Variants in WT1 observed in about 807,000 individuals in gnomAD.
WT1 encodes Wilms tumor protein.
A neutral mutation model predicts 60.8 loss-of-function variants in WT1; 8 were observed. That is an observed-to-expected ratio of 0.13 (90% CI 0.08 to 0.24). WT1 has a LOEUF of 0.24. Ranked by LOEUF, WT1 falls within the 10% of genes least tolerant of loss-of-function variation. The pLI is 1.00. For missense variants in WT1, 568 were observed against 711.8 expected, an observed-to-expected ratio of 0.80 and a Z score of 2.30; for synonymous variants, 312 against 297.1, an observed-to-expected ratio of 1.05 and a Z score of -0.52.
chr11:32,408,514 T>TAAAAAAAAAAAAAAAAAAAAAAAA (rs58685266), intron 5 of WT1, among the ~76,000 whole-genome samples: 20 of 74,226 alleles, frequency 2.7e-4, no homozygotes, highest in Admixed American at 4.9e-4. Flanking sequence ...GACTACGTCT[T>TAAAAAAAAAAAAAAAAAAAAAAAA]AAAAAAAAAA....
chr11:32,407,244 CA>C (rs1394996010), intron 5 of WT1, among the ~76,000 whole-genome samples: 1 of 137,800 alleles, frequency 7.3e-6, no homozygotes, highest in Non-Finnish European at 1.7e-5. Context: ...TCAGGAAAAA[CA>C]AAAAAACAAA....
Position 32,407,170 on chromosome 11 carries a change from G to A in WT1, c.1017-7126C>T, listed in dbSNP as rs77535187. 3.3e-3 allele frequency among the ~76,000 whole-genome samples: 507 copies of A among 152,116 alleles called. 3 individuals carry two copies. Among genetic ancestry groups the A allele is most frequent in the African/African-American group, 0.012 (485 of 41,510 alleles). ...AGAAAGTTTGCAAAAAGAGAAAAAT[G>A]TCCCTCATATAACACAAATTGTGAG... On this transcript the variant is annotated intron_variant, in intron 5 of 9. Transcript: ENST00000452863.
At chr11:32,405,828 G>T (rs1051974977) in intron 5 of WT1, among the ~76,000 whole-genome samples, 1 of 152,130 alleles carries the variant, frequency 6.6e-6, no homozygotes, top group African/African-American at 2.4e-5. Context: ...TGCGTTATTT[G>T]CCCACAGTCA....
intron 7 of WT1, among the ~76,000 whole-genome samples, chr11:32,393,323 T>C (rs1851872002): frequency 6.6e-6 from 1 of 152,220 alleles, no homozygotes; most frequent in South Asian, 2.1e-4. Context: ...CCAAAAGCAC[T>C]GAGAAAGTTT....
intron 1 of WT1, among the ~76,000 whole-genome samples, chr11:32,429,632 C>T (rs977084138): frequency 2.0e-5 from 3 of 152,144 alleles, no homozygotes; most frequent in Admixed American, 1.3e-4. Flanking sequence ...TCATTGGCCC[C>T]GGAACCCAAG....
In WT1 at chr11:32,434,795, G is replaced by A. The variant is rs745879965; in HGVS notation, c.566C>T (p.Pro189Leu). The change falls in exon 1 of 10, where the codon CCG becomes CTG. Residue 189 changes from proline (P) to leucine (L), a missense_variant. Physicochemically the swap from Pro to Leu is moderately conservative, Grantham distance 98. This residue lies in a region of WT1 where 523 missense variants were observed against 565.1 expected (regional missense o/e 0.93). Coordinates refer to ENST00000452863, the MANE Select transcript of WT1 (RefSeq NM_024426.6). The stretch of plus-strand genomic sequence containing the variant: ...CTGGCCGGATGACGCCTGGCTGGGC[G>A]GAGGAGGACCGAAGGGCCCGTAGCG... 1.2e-6 allele frequency: 2 copies of A among 1,612,434 alleles called. No homozygotes were observed. Among genetic ancestry groups the A allele is most frequent in the Admixed American group, 3.3e-5 (2 of 59,930 alleles).
intron 5 of WT1, chr11:32,400,313 G>A (rs903596051): frequency 5.7e-6 from 3 of 527,548 alleles, no homozygotes; most frequent in East Asian, 6.8e-5. Context: ...CAGACAAGCC[G>A]AGGAAGACCA....
In WT1 at chr11:32,434,980, G is replaced by T. The variant is rs771681406; in HGVS notation, c.381C>A (p.Pro127=). Residue 127 remains proline (P), a synonymous_variant, in exon 1 of 10, where the codon CCC becomes CCA. Coordinates refer to ENST00000452863, the MANE Select transcript of WT1 (RefSeq NM_024426.6). Reference sequence around the variant, plus strand: ...GTGGCGGCGGAGCCGGTGGCGGCGCGGGGCCGCCCAACGACCCGTAAGCCG... The same window carrying T: ...GTGGCGGCGGAGCCGGTGGCGGCGCTGGGCCGCCCAACGACCCGTAAGCCG... 6.6e-6 allele frequency: 10 copies of T among 1,518,538 alleles called. No individual in the cohort carries two copies. The highest frequency in any genetic ancestry group is 8.8e-6 in the Non-Finnish European group (10 of 1,140,470). The allele number at this position is 1,518,538 out of a possible 1,614,324, so 94.1% of individuals were successfully genotyped here. A position where few individuals can be genotyped will look rare whatever the true frequency, so the allele number is the denominator to read the frequency against.
chr11:32,422,293 C>A (rs886785694), intron 3 of WT1, among the ~76,000 whole-genome samples: 1 of 152,216 alleles, frequency 6.6e-6, no homozygotes, highest in African/African-American at 2.4e-5. Context: ...TATTAATAAA[C>A]ACTTGGTCAG....
At chr11:32,419,855 G>A (rs570030160) in intron 3 of WT1, among the ~76,000 whole-genome samples, 1 of 152,238 alleles carries the variant, frequency 6.6e-6, no homozygotes, top group East Asian at 1.9e-4. Flanking sequence ...CACCATGCCC[G>A]GCTAATTTTT....
chr11:32,398,729 AGT>A (rs954919351), intron 6 of WT1, among the ~76,000 whole-genome samples: 1 of 151,996 alleles, frequency 6.6e-6, no homozygotes, highest in African/African-American at 2.4e-5. Flanking sequence ...CCACCTCATA[AGT>A]GTGTATTGCA....
intron 3 of WT1, among the ~76,000 whole-genome samples, chr11:32,424,945 A>G (rs1475060093): frequency 6.6e-6 from 1 of 152,200 alleles, no homozygotes; most frequent in Non-Finnish European, 1.5e-5. Flanking sequence ...TTCGAGGCCA[A>G]GGTGGGCAGA....
intron 3 of WT1, among the ~76,000 whole-genome samples, chr11:32,427,246 T>G (rs1226463280): frequency 3.3e-5 from 5 of 151,984 alleles, no homozygotes. Context: ...TCACCCAAAG[T>G]TGAAGAAAAA....
chr11:32,392,207 C>G (rs963592872), intron 8 of WT1, 143 bp from the exon 9 acceptor site: 37 of 767,964 alleles, frequency 4.8e-5, no homozygotes, highest in South Asian at 9.8e-5. Flanking sequence ...TTAGATTTCC[C>G]CAGTCCCCCA....
In WT1 at chr11:32,399,873, T is replaced by C. The variant is rs2234591; in HGVS notation, c.1113+75A>G. The C allele has an allele frequency of 1.8e-3, 2,656 of 1,508,790 alleles. 3 individuals carry two copies. Among genetic ancestry groups the C allele is most frequent in the Non-Finnish European group, 2.1e-3 (2,334 of 1,094,488 alleles). The allele number at this position is 1,508,790 out of a possible 1,614,324, so 93.5% of individuals were successfully genotyped here. ...CTGCCAGGGCCAAAGAGTCCATCAG[T>C]AAGGAACTAAAGGGCCGGTAAGTAG... On this transcript the variant is annotated intron_variant, in intron 6 of 9. Transcript: ENST00000452863.
chr11:32,432,375 A>G (rs1484290495), intron 1 of WT1, among the ~76,000 whole-genome samples: 2 of 152,172 alleles, frequency 1.3e-5, no homozygotes, highest in South Asian at 2.1e-4. Flanking sequence ...AGCAGCAGGA[A>G]CCCTGGAAAT....
intron 1 of WT1, chr11:32,430,584 C>T: frequency 6.2e-7 from 1 of 1,605,746 alleles, no homozygotes; most frequent in African/African-American, 1.3e-5. Flanking sequence ...CTGCACAATC[C>T]TCAGAGCCCT....
chr11:32,416,480 G>T lies in WT1; in HGVS notation c.1016+10C>A. ...CCATTTGCTTTGCCATCTCCGCATTGTCCACTCACTTGCTCTGCCCTTCTG... is the reference window on the plus strand; with the variant it reads ...CCATTTGCTTTGCCATCTCCGCATTTTCCACTCACTTGCTCTGCCCTTCTG... On this transcript the variant is annotated intron_variant, in intron 5 of 9. Transcript: ENST00000452863. The T allele has an allele frequency of 6.2e-7, 1 of 1,614,064 alleles. No individual in the cohort carries two copies. The highest frequency in any genetic ancestry group is 8.5e-7 in the Non-Finnish European group (1 of 1,179,980).
At chr11:32,392,570 G>T in intron 8 of WT1, 96 bp downstream of exon 8, 1 of 1,187,852 alleles carries the variant, frequency 8.4e-7, no homozygotes, top group Non-Finnish European at 1.3e-6. Context: ...ACACATGGCT[G>T]ACTCTCTCAT....
Sources: allele counts gnomAD v4.1 joint callset (sites outside exome capture counted in the v4.1 genomes callset), GRCh38; gene constraint gnomAD v4.1.1; regional missense constraint gnomAD v4.1.1; transcripts MANE v1.5; gene names NCBI Gene and HGNC (gene_info 2026-07-23, HGNC 2026-07-21).